The following ARGFX variants were observed in gnomAD, a reference collection of about 807,000 sequenced individuals.
ARGFX encodes arginine-fifty homeobox.
Under a neutral mutation model 8.0 loss-of-function variants are expected in ARGFX, and 10 were observed. That is an observed-to-expected ratio of 1.25 (90% CI 0.77 to 2.12). ARGFX has a LOEUF of 2.12. Ranked by LOEUF, ARGFX falls within the 30% of genes most tolerant of loss-of-function variation. The probability of loss-of-function intolerance (pLI) is 0.00; values close to 1 mark genes in which losing one functional copy is unlikely to be tolerated. For missense variants in ARGFX, 282 were observed against 324.3 expected (o/e 0.87, Z 1.00); for synonymous variants, 116 against 117.8 (o/e 0.98, Z 0.10).
At chr3:121,571,730 A>ATTTTTTTTTTTT (rs1173636701) in intron 2 of ARGFX, among the ~76,000 whole-genome samples, 54 of 107,080 alleles carry the variant, frequency 5.0e-4, no homozygotes, top group African/African-American at 5.6e-4. Context: ...TGCCCGGCAA[A>ATTTTTTTTTTTT]TTTTTTTTTT....
rs1467345823 is a variant in ARGFX at position 121,584,944 on chromosome 3, C to T, written c.248C>T (p.Thr83Ile). 1 of 1,613,682 alleles carries T rather than the reference C, an allele frequency of 6.2e-7. No homozygotes were observed. Among genetic ancestry groups the T allele is most frequent in the Non-Finnish European group, 8.5e-7 (1 of 1,179,940 alleles). Reference protein sequence around the residue: ...TAIRRRHKERTSFTHQQYEEL... With the variant: ...TAIRRRHKERISFTHQQYEEL... ...ATACGGAGAAGGCATAAAGAACGTA[C>T]TTCTTTCACCCACCAACAGTATGAG... The change falls in exon 4 of 5, where the codon ACT (threonine) becomes ATT (isoleucine). Residue 83 changes from threonine to isoleucine, a missense_variant. Transcript: ENST00000334384.
intron 2 of ARGFX, among the ~76,000 whole-genome samples, chr3:121,572,875 G>A (rs1431014548): frequency 1.3e-5 from 2 of 152,260 alleles, no homozygotes; most frequent in East Asian, 1.9e-4. Context: ...GTCAACAAGG[G>A]TGCTAAGGCC....
intron 3 of ARGFX, among the ~76,000 whole-genome samples, chr3:121,578,215 C>T (rs555199754): frequency 1.1e-3 from 172 of 151,418 alleles, no homozygotes; most frequent in African/African-American, 4.1e-3. Flanking sequence ...CAACCTCCTG[C>T]CTCCCAGGTT....
In ARGFX at chr3:121,588,441, G is replaced by C. The variant is rs957204976; in HGVS notation, c.*1841G>C. On this transcript the variant is annotated 3_prime_UTR_variant, in exon 5 of 5. Transcript: ENST00000334384. ...TGCAGTGAGCTGAGGTCGCACCACT[G>C]CACTCCAGCCTGGACAACAGAGCAA... 6.7e-6 allele frequency among the ~76,000 whole-genome samples: 1 copy of C among 148,406 alleles called. No homozygotes were observed. Among genetic ancestry groups the C allele is most frequent in the African/African-American group, 2.5e-5 (1 of 40,304 alleles).
intron 2 of ARGFX, among the ~76,000 whole-genome samples, chr3:121,576,519 A>G (rs186144002): frequency 4.0e-5 from 6 of 151,712 alleles, no homozygotes; most frequent in Non-Finnish European, 7.4e-5. Context: ...TTGTATTTTT[A>G]GTAGAGACAG....
chr3:121,571,264 G>A (rs1283252619), intron 2 of ARGFX, among the ~76,000 whole-genome samples: 1 of 152,036 alleles, frequency 6.6e-6, no homozygotes, highest in Non-Finnish European at 1.5e-5. Context: ...ATATATATTT[G>A]TTATTTGATA....
Position 121,586,689 on chromosome 3 carries a change from C to T in ARGFX, c.*89C>T. 8.9e-7 allele frequency: 1 copy of T among 1,120,116 alleles called. No homozygotes were observed. Among genetic ancestry groups the T allele is most frequent in the Non-Finnish European group, 1.3e-6 (1 of 795,800 alleles). 69.4% of individuals were successfully genotyped at this position (1,120,116 alleles called of 1,614,324 possible). ...TTTTTTTCCTTTGTCTCATTTTAACCCAACATCTGGGTCTGTGTCTCTGAT... is the reference window on the plus strand; with the variant it reads ...TTTTTTTCCTTTGTCTCATTTTAACTCAACATCTGGGTCTGTGTCTCTGAT... On this transcript the variant is annotated 3_prime_UTR_variant, in exon 5 of 5. Transcript: ENST00000334384.
At chr3:121,577,272 TA>T (rs1228734370) in intron 3 of ARGFX, among the ~76,000 whole-genome samples, 1 of 140,232 alleles carries the variant, frequency 7.1e-6, no homozygotes, top group African/African-American at 2.6e-5. Flanking sequence ...TTTTTTTTTT[TA>T]AATGGAGTCT....
chr3:121,585,898 GC>G (rs1402430125), intron 4 of ARGFX, 123 bp from the exon 5 acceptor site: 17 of 915,710 alleles, frequency 1.9e-5, no homozygotes, highest in Non-Finnish European at 2.6e-5. Flanking sequence ...CTTTTGCAGA[GC>G]CCAGTGTCAT....
chr3:121,575,624 T>C (rs1168823274), intron 2 of ARGFX, among the ~76,000 whole-genome samples: 1 of 151,876 alleles, frequency 6.6e-6, no homozygotes, highest in African/African-American at 2.4e-5. Flanking sequence ...ATTAAGAAGG[T>C]GTGGCTAGGT....
chr3:121,574,295 G>C (rs890125223), intron 2 of ARGFX, among the ~76,000 whole-genome samples: 6 of 152,146 alleles, frequency 3.9e-5, no homozygotes, highest in Admixed American at 3.9e-4. Context: ...CGGACTGGTT[G>C]GGGGGCTGAT....
chr3:121,577,245 ATATATATATATATATTTTT>A (rs772334880), intron 3 of ARGFX, among the ~76,000 whole-genome samples: 2,656 of 56,816 alleles, frequency 0.047, 61 homozygotes, highest in Admixed American at 0.09. Flanking sequence ...ATATATATAT[ATATATATATATATATTTTT>A]TTTTTTTTAA....
chr3:121,585,126 G>A, intron 4 of ARGFX, 61 bp downstream of exon 4: 1 of 1,568,870 alleles, frequency 6.4e-7, no homozygotes. Flanking sequence ...TATCCAGCCT[G>A]GAAATTCCCC....
chr3:121,573,848 C>CAA (rs35593006), intron 2 of ARGFX, among the ~76,000 whole-genome samples: 237 of 58,170 alleles, frequency 4.1e-3, no homozygotes, highest in African/African-American at 4.5e-3. Flanking sequence ...AACTCCATCT[C>CAA]AAAAAAAAAA....
chr3:121,585,000 T>C lies in ARGFX; in HGVS notation c.304T>C (p.Phe102Leu). 2 of 1,614,050 alleles carry C rather than the reference T, an allele frequency of 1.2e-6. No individual in the cohort carries two copies. The highest frequency in any genetic ancestry group is 1.7e-6 in the Non-Finnish European group (2 of 1,180,000). ...AGAAGCTCTGTTTAGCCAGACCATG[T>C]TCCCAGATAGAAATCTTCAGGAGAA... ...ELEALFSQTM[F>L]PDRNLQEKLA... Residue 102 changes from phenylalanine (F) to leucine (L), a missense_variant, in exon 4 of 5, where the codon TTC (phenylalanine) becomes CTC (leucine). Phe to Leu is a conservative substitution (Grantham distance 22, BLOSUM62 0). Transcript: ENST00000334384.
intron 1 of ARGFX, among the ~76,000 whole-genome samples, chr3:121,568,418 A>G (rs887277335): frequency 2.6e-5 from 4 of 152,232 alleles, no homozygotes; most frequent in African/African-American, 9.6e-5. Flanking sequence ...AAAATTGCTG[A>G]GTAAATGTGG....
intron 3 of ARGFX, among the ~76,000 whole-genome samples, chr3:121,584,665 G>A (rs1357829168): frequency 6.6e-6 from 1 of 152,184 alleles, no homozygotes; most frequent in Non-Finnish European, 1.5e-5. Context: ...TGAGTACACA[G>A]AAAATTGAAG....
chr3:121,583,498 G>A (rs559011844), intron 3 of ARGFX, among the ~76,000 whole-genome samples: 1 of 150,928 alleles, frequency 6.6e-6, no homozygotes, highest in Admixed American at 6.6e-5. Flanking sequence ...ACATGATTGT[G>A]CAGTGACACA....
rs139699736 is a variant in ARGFX, at chr3:121,586,297, C to T, written c.645C>T (p.Ala215=). The change falls in exon 5 of 5, where the codon GCC becomes GCT. Residue 215 remains alanine (A), a synonymous_variant. Coordinates refer to ENST00000334384, the MANE Select transcript of ARGFX (RefSeq NM_001012659.2). ...MQDTQWERLV[A]SVPALYSDAY... ...ATACTCAGTGGGAGAGGCTGGTGGC[C>T]TCGGTTCCTGCTTTGTACTCTGATG... 203 of 1,614,054 alleles carry T rather than the reference C, an allele frequency of 1.3e-4. 1 individual carries two copies. The highest frequency in any genetic ancestry group is 7.2e-4 in the South Asian group (66 of 91,086).
Sources: allele counts gnomAD v4.1 joint callset (sites outside exome capture counted in the v4.1 genomes callset), GRCh38; gene constraint gnomAD v4.1.1; transcripts MANE v1.5; gene names NCBI Gene and HGNC (gene_info 2026-07-23, HGNC 2026-07-21).